FERMT1: variants seen among roughly 807,000 people sequenced by gnomAD.
The protein encoded by FERMT1 is fermitin family homolog 1.
Under a neutral mutation model 85.3 loss-of-function variants are expected in FERMT1, and 60 were observed. The observed-to-expected ratio is 0.70, with a 90% CI of 0.57 to 0.87. The LOEUF (loss-of-function observed/expected upper bound fraction) is 0.87, where lower values mean the gene tolerates loss of function less well. Ranked by LOEUF, FERMT1 falls within the 40% of genes least tolerant of loss-of-function variation. The pLI is 0.00. For missense variants in FERMT1, 701 were observed against 818.9 expected (o/e 0.86, Z 1.76); for synonymous variants, 275 against 301.1 (o/e 0.91, Z 0.90).
intron 8 of FERMT1, among the ~76,000 whole-genome samples, chr20:6,096,246 C>A (rs934523534): frequency 6.6e-6 from 1 of 152,142 alleles, no homozygotes; most frequent in Admixed American, 6.5e-5. Context: ...ATTTTCTTGG[C>A]CGGTCACAGT....
chr20:6,086,044 A>G (rs772525737), intron 11 of FERMT1, among the ~76,000 whole-genome samples: 10 of 151,640 alleles, frequency 6.6e-5, no homozygotes, highest in Non-Finnish European at 1.0e-4. Context: ...TGGGAGGCTG[A>G]GGCAGGAGAA....
chr20:6,086,841 T>C (rs1261164982), intron 11 of FERMT1, among the ~76,000 whole-genome samples: 1 of 152,166 alleles, frequency 6.6e-6, no homozygotes, highest in African/African-American at 2.4e-5. Context: ...GCCTCCTGTA[T>C]AGCCTGTGGA....
chr20:6,118,182 T>C (rs183507882), intron 2 of FERMT1, among the ~76,000 whole-genome samples: 1 of 152,324 alleles, frequency 6.6e-6, no homozygotes, highest in Admixed American at 6.5e-5. Flanking sequence ...GGCATATTCA[T>C]ACAATGGAAT....
intron 2 of FERMT1, 38 bp from the exon 3 acceptor site, chr20:6,116,082 G>C (rs1466322678): frequency 9.5e-6 from 14 of 1,479,710 alleles, no homozygotes; most frequent in South Asian, 8.0e-5. Context: ...AAATGAGAGA[G>C]GGCCCAGCTT....
intron 3 of FERMT1, among the ~76,000 whole-genome samples, chr20:6,113,810 C>T (rs1228453632): frequency 6.6e-6 from 1 of 152,178 alleles, no homozygotes; most frequent in Admixed American, 6.5e-5. Context: ...GTCTTACTTC[C>T]CTGTCCCCAA....
rs145810274 is a variant in FERMT1 at position 6,110,178 on chromosome 20, C to A, written c.746+120G>T. The stretch of plus-strand genomic sequence containing the variant: ...TTCCCCTTTGTTGCTAAAATCAGCA[C>A]TAACTTTTGCAAATAAAGCACAATC... On this transcript the variant is annotated intron_variant, in intron 5 of 14. Coordinates refer to ENST00000217289, the MANE Select transcript of FERMT1 (RefSeq NM_017671.5). 1.5e-4 allele frequency: 129 copies of A among 862,180 alleles called. 1 individual carries two copies. The East Asian group carries it at 3.4e-3, about 23-fold the overall frequency. 53.4% of individuals were successfully genotyped at this position (862,180 alleles called of 1,614,324 possible).
Position 6,088,930 on chromosome 20 carries a change from A to G in FERMT1, c.1264+35T>C, listed in dbSNP as rs1302899453. 4 of 1,600,224 alleles carry G rather than the reference A, an allele frequency of 2.5e-6. No homozygotes were observed. The South Asian group carries it at 3.3e-5, about 13-fold the overall frequency. Reference sequence around the variant, plus strand: ...TGAGCCACCGCGTCTGCCCTGACTTACGATGAGCCACAGCAAGATATAGGG... The same window carrying G: ...TGAGCCACCGCGTCTGCCCTGACTTGCGATGAGCCACAGCAAGATATAGGG... On this transcript the variant is annotated intron_variant, in intron 10 of 14. Transcript: ENST00000217289.
At chr20:6,089,863 T>C (rs1386109589) in intron 9 of FERMT1, among the ~76,000 whole-genome samples, 6 of 152,124 alleles carry the variant, frequency 3.9e-5, no homozygotes, top group Non-Finnish European at 5.9e-5. Flanking sequence ...TCATTCAAAA[T>C]AGGAAACGTG....
At chr20:6,084,613 T>A (rs1982108456) in intron 12 of FERMT1, among the ~76,000 whole-genome samples, 1 of 152,154 alleles carries the variant, frequency 6.6e-6, no homozygotes. Context: ...TTTCATAACA[T>A]CATCTAATAT....
At chr20:6,103,767 G>GT (rs66482243) in intron 6 of FERMT1, among the ~76,000 whole-genome samples, 5,100 of 101,962 alleles carry the variant, frequency 0.05, 138 homozygotes, top group South Asian at 0.084. Context: ...CTTTGTTATA[G>GT]TTTTTTTTTT....
intron 11 of FERMT1, 144 bp from the exon 12 acceptor site, chr20:6,085,431 C>T (rs1226011725): frequency 8.3e-6 from 6 of 723,696 alleles, no homozygotes; most frequent in Non-Finnish European, 9.8e-6. Context: ...TTGTGAGTGG[C>T]TGCTCATCAG....
chr20:6,084,242 A>G lies in FERMT1; in HGVS notation c.1594-78T>C, dbSNP rs996182149. Reference sequence around the variant, plus strand: ...TCACCCTGTTAGCTCCAGATCCCCCATAAGAACAATACACTCAAGGTCCGT... The same window carrying G: ...TCACCCTGTTAGCTCCAGATCCCCCGTAAGAACAATACACTCAAGGTCCGT... On this transcript the variant is annotated intron_variant, in intron 12 of 14. Transcript: ENST00000217289. The G allele has an allele frequency of 2.6e-5, 38 of 1,483,532 alleles. No individual in the cohort carries two copies. In the African/African-American group the frequency reaches 4.2e-4, roughly 16 times the overall value. 91.9% of individuals were successfully genotyped at this position (1,483,532 alleles called of 1,614,324 possible).
Position 6,077,200 on chromosome 20 carries a change from G to C in FERMT1, c.2007C>G (p.Phe669Leu). The C allele has an allele frequency of 6.2e-7, 1 of 1,614,130 alleles. No individual in the cohort carries two copies. Among genetic ancestry groups the C allele is most frequent in the African/African-American group, 1.3e-5 (1 of 75,038 alleles). Residue 669 changes from phenylalanine to leucine, a missense_variant, in exon 15 of 15, where the codon TTC (phenylalanine) becomes TTG (leucine). By Grantham distance (22) the Phe-to-Leu change is conservative. Coordinates refer to ENST00000217289, the MANE Select transcript of FERMT1 (RefSeq NM_017671.5). ...AATCCTGACCGCCGGTCAATTTGTG[G>C]AACAAGTCCTCATCGAGTGTTTCAT... ...DQNETLDEDLFHKLTGGQD is the reference protein window; with the variant it reads ...DQNETLDEDLLHKLTGGQD
At chr20:6,102,491 A>G (rs1360365724) in intron 6 of FERMT1, among the ~76,000 whole-genome samples, 2 of 151,876 alleles carry the variant, frequency 1.3e-5, no homozygotes, top group Non-Finnish European at 2.9e-5. Context: ...AGCCTGGCCA[A>G]CATGGTGAAA....
chr20:6,088,931 C>T (rs758681927), intron 10 of FERMT1, 34 bp downstream of exon 10: 10 of 1,599,700 alleles, frequency 6.3e-6, no homozygotes, highest in Admixed American at 1.7e-5. Flanking sequence ...CCCTGACTTA[C>T]GATGAGCCAC....
At chr20:6,121,018 C>T (rs748703343) in intron 1 of FERMT1, among the ~76,000 whole-genome samples, 7 of 152,182 alleles carry the variant, frequency 4.6e-5, no homozygotes, top group African/African-American at 1.4e-4. Flanking sequence ...TCTCAAAATA[C>T]GCTACACAGA....
intron 9 of FERMT1, among the ~76,000 whole-genome samples, chr20:6,092,088 G>A (rs914887830): frequency 1.6e-4 from 24 of 152,226 alleles, no homozygotes; most frequent in Non-Finnish European, 2.1e-4. Context: ...TTACAGGCGC[G>A]TGCCACTACC....
chr20:6,083,722 G>A (rs1252528967), intron 13 of FERMT1, among the ~76,000 whole-genome samples: 13 of 110,286 alleles, frequency 1.2e-4, no homozygotes, highest in Admixed American at 7.9e-4. Flanking sequence ...AAAAAAAACC[G>A]AAAAGAAGTT....
intron 13 of FERMT1, among the ~76,000 whole-genome samples, chr20:6,082,876 T>A (rs1436210368): frequency 6.6e-6 from 1 of 151,924 alleles, no homozygotes; most frequent in Non-Finnish European, 1.5e-5. Context: ...CCCAGAGTGG[T>A]CTTGAACTCT....
Sources: allele counts gnomAD v4.1 joint callset (sites outside exome capture counted in the v4.1 genomes callset), GRCh38; gene constraint gnomAD v4.1.1; transcripts MANE v1.5; gene names NCBI Gene and HGNC (gene_info 2026-07-23, HGNC 2026-07-21).